Variants in DHX57 observed in about 807,000 individuals in gnomAD.
DHX57 encodes putative ATP-dependent RNA helicase DHX57.
A neutral mutation model predicts 156.2 loss-of-function variants in DHX57; 105 were observed. That is an observed-to-expected ratio of 0.67 (90% confidence interval 0.57 to 0.79). The LOEUF (loss-of-function observed/expected upper bound fraction) is 0.79. Ranked by LOEUF, DHX57 falls within the 30% of genes least tolerant of loss-of-function variation. The probability of loss-of-function intolerance (pLI) is 0.00; values close to 1 mark genes in which losing one functional copy is unlikely to be tolerated. For synonymous variants in DHX57, 704 were observed against 595.6 expected, an observed-to-expected ratio of 1.18 and a Z score of -2.65; for missense variants, 1,847 against 1,661.9, an observed-to-expected ratio of 1.11 and a Z score of -1.94.
At chr2:38,800,940 A>T (rs776514502) in intron 23 of DHX57, among the ~76,000 whole-genome samples, 2 of 152,220 alleles carry the variant, frequency 1.3e-5, no homozygotes, top group Non-Finnish European at 2.9e-5. Flanking sequence ...TAATATGAAA[A>T]GGTAATGTAA....
Position 38,854,189 on chromosome 2 carries a change from A to G in DHX57, c.1906-11T>C, listed in dbSNP as rs1325029814. The stretch of plus-strand genomic sequence containing the variant: ...TCTGGTGGCTGAGGACTTACACATG[A>G]AAGGGCAATATAAATCATTAATAAA... On this transcript the variant is annotated splice_polypyrimidine_tract_variant and intron_variant, in intron 8 of 23. Transcript: ENST00000457308. 1 of 1,612,360 alleles carries G rather than the reference A, an allele frequency of 6.2e-7. No individual in the cohort carries two copies.
intron 21 of DHX57, among the ~76,000 whole-genome samples, chr2:38,807,795 G>C (rs1380018273): frequency 6.6e-6 from 1 of 150,650 alleles, no homozygotes; most frequent in African/African-American, 2.4e-5. Flanking sequence ...TTACAGGCAT[G>C]AGCACCACGC....
intron 13 of DHX57, 64 bp downstream of exon 13, chr2:38,837,767 C>G: frequency 2.1e-6 from 2 of 972,154 alleles, no homozygotes; most frequent in Admixed American, 3.6e-5. Flanking sequence ...CATGAATAGA[C>G]TCCCATTTAG....
intron 21 of DHX57, chr2:38,811,692 A>C: frequency 1.0e-6 from 1 of 955,540 alleles, no homozygotes; most frequent in Non-Finnish European, 1.6e-6. Flanking sequence ...TGGTGCCTGG[A>C]ATCTGTCTTC....
At chr2:38,803,123 TA>T (rs879474946) in intron 22 of DHX57, 68,934 of 423,390 alleles carry the variant, frequency 0.16, no homozygotes, top group South Asian at 0.22. Context: ...CACTTGTGTT[TA>T]AAAAAAAAAA....
rs186854546 is a variant in DHX57 at position 38,810,663 on chromosome 2, A to G, written c.3681+3158T>C. On this transcript the variant is annotated intron_variant, in intron 21 of 23. Transcript: ENST00000457308. ...CTTCCACTCGGTCCTGGGACTTGGCAATGCAGTGGTGGGCAAAGTCACACT... is the reference window on the plus strand; with the variant it reads ...CTTCCACTCGGTCCTGGGACTTGGCGATGCAGTGGTGGGCAAAGTCACACT... 2.9e-4 allele frequency: 198 copies of G among 681,992 alleles called. 1 individual carries two copies. The African/African-American group carries it at 2.9e-3, about 10-fold the overall frequency. The allele number at this position is 681,992 out of a possible 1,614,324, so 42.2% of individuals were successfully genotyped here. A position where few individuals can be genotyped will look rare whatever the true frequency, so the allele number is the denominator to read the frequency against.
In DHX57 at chr2:38,802,764, A is replaced by G. The variant is rs762872875; in HGVS notation, c.3968T>C (p.Val1323Ala). 73 of 1,614,066 alleles carry G rather than the reference A, an allele frequency of 4.5e-5. No individual in the cohort carries two copies. The highest frequency in any genetic ancestry group is 1.6e-4 in the Middle Eastern group (1 of 6,082). ...GATCCAACCATCATCCAGGGAGACA[A>G]CGAACTCTCCTCTTTGAAGCTGCAC... is the stretch of plus-strand genomic sequence containing the variant. ...VNVQLQRGEFVVSLDDGWIRF... is the reference protein window; with the variant it reads ...VNVQLQRGEFAVSLDDGWIRF... The change falls in exon 23 of 24, where the codon GTT (valine) becomes GCT (alanine). Residue 1323 changes from valine (V) to alanine (A), a missense_variant. Coordinates refer to ENST00000457308, the MANE Select transcript of DHX57 (RefSeq NM_198963.3).
In DHX57 at chr2:38,842,995, G is replaced by A. The variant is rs1057017042; in HGVS notation, c.2425+10C>T. The A allele has an allele frequency of 6.2e-7, 1 of 1,612,666 alleles. No individual in the cohort carries two copies. The highest frequency in any genetic ancestry group is 8.5e-7 in the Non-Finnish European group (1 of 1,178,732). On this transcript the variant is annotated intron_variant, in intron 12 of 23. Transcript: ENST00000457308. ...GCATAATTATAATATTCCCCCAAGA[G>A]GCATGTTACCTTTATAGCGGGCCAG...
At chr2:38,860,976 C>A in intron 5 of DHX57, 23 bp downstream of exon 5, 3 of 1,594,142 alleles carry the variant, frequency 1.9e-6, no homozygotes, top group Non-Finnish European at 2.6e-6. Flanking sequence ...TGCCTCCCTC[C>A]ACAAGATCAA....
intron 17 of DHX57, among the ~76,000 whole-genome samples, chr2:38,821,303 T>C (rs952324876): frequency 1.3e-5 from 2 of 151,552 alleles, no homozygotes; most frequent in African/African-American, 4.9e-5. Context: ...TTTAAGACAC[T>C]AGAAAAAGAA....
chr2:38,824,159 T>C (rs1670973941), intron 16 of DHX57, among the ~76,000 whole-genome samples: 1 of 152,152 alleles, frequency 6.6e-6, no homozygotes, highest in South Asian at 2.1e-4. Flanking sequence ...ATACATACAG[T>C]GGAATACTAC....
chr2:38,861,215 T>G lies in DHX57; in HGVS notation c.1195A>C (p.Thr399Pro). 1 of 1,614,164 alleles carries G rather than the reference T, an allele frequency of 6.2e-7. No individual in the cohort carries two copies. Among genetic ancestry groups the G allele is most frequent in the Middle Eastern group, 1.6e-4 (1 of 6,062 alleles). The change falls in exon 5 of 24, where the codon ACA becomes CCA. Residue 399 changes from threonine (T) to proline (P), a missense_variant. Transcript: ENST00000457308. ...ACAGGTTCCGAAGTTTCCGCAAATG[T>G]CAAGGCCTTGTCATAAAGAAACTCA... is the stretch of plus-strand genomic sequence containing the variant. ...ISEFLYDKAL[T>P]FAETSEPVVY...
chr2:38,812,841 C>CTTGTTTGTTTGT (rs71693783), intron 21 of DHX57, among the ~76,000 whole-genome samples: 77,747 of 132,536 alleles, frequency 0.59, 21,847 homozygotes, highest in East Asian at 0.81. Flanking sequence ...CCCTTATTTA[C>CTTGTTTGTTTGT]TTGTTTGTTT....
At chr2:38,822,685 G>A (rs1248953338) in intron 17 of DHX57, among the ~76,000 whole-genome samples, 3 of 152,146 alleles carry the variant, frequency 2.0e-5, no homozygotes, top group Admixed American at 6.6e-5. Flanking sequence ...ATAAGCCACC[G>A]CGCTTGGCCT....
chr2:38,857,791 C>A (rs1672974688), intron 6 of DHX57, among the ~76,000 whole-genome samples: 1 of 152,246 alleles, frequency 6.6e-6, no homozygotes, highest in Non-Finnish European at 1.5e-5. Context: ...AAACCACTTA[C>A]TAGCTATGCG....
In DHX57 at chr2:38,856,498, T is replaced by C. The variant is rs375676643; in HGVS notation, c.1588-37A>G. ...AAAGATAAGATATCAGTTGGGTTACTTTTTCTTTTTTTTTTTTTTTTTTTG... is the reference window on the plus strand; with the variant it reads ...AAAGATAAGATATCAGTTGGGTTACCTTTTCTTTTTTTTTTTTTTTTTTTG... On this transcript the variant is annotated intron_variant, in intron 6 of 23. Transcript: ENST00000457308. 1,236 of 1,547,050 alleles carry C rather than the reference T, an allele frequency of 8.0e-4. 8 individuals carry two copies. The highest frequency in any genetic ancestry group is 4.0e-3 in the Middle Eastern group (22 of 5,560).
At chr2:38,807,726 C>T (rs562167298) in intron 21 of DHX57, among the ~76,000 whole-genome samples, 223 of 151,956 alleles carry the variant, frequency 1.5e-3, no homozygotes, top group African/African-American at 5.2e-3. Flanking sequence ...CGGCTCACTG[C>T]AACCTCCGCC....
Position 38,862,246 on chromosome 2 carries a change from G to C in DHX57, c.471C>G (p.Leu157=), listed in dbSNP as rs770079225. The C allele has an allele frequency of 6.2e-7, 1 of 1,613,882 alleles. No individual in the cohort carries two copies. Among genetic ancestry groups the C allele is most frequent in the Non-Finnish European group, 8.5e-7 (1 of 1,179,920 alleles). The part of the protein sequence containing the change: ...RYWPAGQEPS[L]VPDLDPLEYA... ...ATTCCAAAGGATCCAAGTCGGGAACGAGGGAAGGTTCCTGTCCAGCTGGCC... is the reference window on the plus strand; with the variant it reads ...ATTCCAAAGGATCCAAGTCGGGAACCAGGGAAGGTTCCTGTCCAGCTGGCC... Residue 157 remains leucine (L), a synonymous_variant, in exon 4 of 24, where the codon CTC becomes CTG. Transcript: ENST00000457308.
intron 23 of DHX57, among the ~76,000 whole-genome samples, chr2:38,800,803 C>T (rs568693479): frequency 6.6e-6 from 1 of 152,318 alleles, no homozygotes; most frequent in African/African-American, 2.4e-5. Flanking sequence ...GCCTGGCCTT[C>T]TTGACCTGGA....
Sources: allele counts gnomAD v4.1 joint callset (sites outside exome capture counted in the v4.1 genomes callset), GRCh38; gene constraint gnomAD v4.1.1; transcripts MANE v1.5; gene names NCBI Gene and HGNC (gene_info 2026-07-23, HGNC 2026-07-21).